Variants in TCTN1 observed in about 807,000 individuals in gnomAD.
The protein encoded by TCTN1 is tectonic family member 1, also known as tectonic-1.
In TCTN1, 58 loss-of-function variants were observed where a neutral mutation model predicts 65.8. The observed-to-expected ratio is 0.88, with a 90% CI of 0.71 to 1.10. The LOEUF (loss-of-function observed/expected upper bound fraction) is 1.10, where lower values mean the gene tolerates loss of function less well. TCTN1 is among the 50% of genes least tolerant of loss of function. TCTN1 has a pLI of 0.00. For missense variants in TCTN1, 645 were observed against 719.4 expected, an observed-to-expected ratio of 0.90 and a Z score of 1.18; for synonymous variants, 273 against 289.1, an observed-to-expected ratio of 0.94 and a Z score of 0.57.
Position 110,640,222 on chromosome 12 carries a change from A to T in TCTN1, c.844-161A>T. The T allele has an allele frequency of 1.2e-6, 1 of 812,198 alleles. No individual in the cohort carries two copies. The highest frequency in any genetic ancestry group is 1.5e-5 in the South Asian group (1 of 66,250). 50.3% of individuals were successfully genotyped at this position (812,198 alleles called of 1,614,324 possible). ...TTTCTTTGTGAATGTATATATGTTT[A>T]TTACTTTTGCAAATGTGGATCATAG... On this transcript the variant is annotated intron_variant, in intron 7 of 14. Transcript: ENST00000397659. The surrounding 1 kb of genome is among the most constrained non-coding windows in gnomAD (Gnocchi z 4.9).
intron 14 of TCTN1, chr12:110,648,676 T>G: frequency 4.9e-6 from 1 of 205,912 alleles, no homozygotes; most frequent in Non-Finnish European, 9.7e-6. Context: ...TATAGTGGAG[T>G]CTTGGGTCTA....
intron 5 of TCTN1, 34 bp from the exon 6 acceptor site, chr12:110,634,636 T>C: frequency 6.9e-7 from 1 of 1,451,442 alleles, no homozygotes. Context: ...CTCTTTTGTA[T>C]TTTTTTTTCC....
intron 14 of TCTN1, chr12:110,648,813 GTTGTT>G (rs2067608748): frequency 3.1e-6 from 1 of 327,806 alleles, no homozygotes; most frequent in African/African-American, 2.3e-5. Flanking sequence ...TTATACAGTA[GTTGTT>G]TTATTTTATA....
chr12:110,617,165 G>A (rs939772582), intron 1 of TCTN1, among the ~76,000 whole-genome samples: 1 of 152,144 alleles, frequency 6.6e-6, no homozygotes, highest in Admixed American at 6.6e-5. Flanking sequence ...ACATTAGCGT[G>A]CATAAGTTGT....
At chr12:110,620,076 G>T in intron 2 of TCTN1, 120 bp downstream of exon 2, 1 of 1,461,290 alleles carries the variant, frequency 6.8e-7, no homozygotes, top group Non-Finnish European at 9.5e-7. Flanking sequence ...GTTTTACGTC[G>T]TTCTGAAGCC....
chr12:110,647,433 T>C, intron 13 of TCTN1, 97 bp downstream of exon 13: 1 of 1,502,846 alleles, frequency 6.7e-7, no homozygotes, highest in Non-Finnish European at 9.2e-7. Context: ...AAAAAGATTA[T>C]AATTTAAACC....
At chr12:110,635,337 GGAA>G (rs1465317030) in intron 6 of TCTN1, among the ~76,000 whole-genome samples, 1 of 152,124 alleles carries the variant, frequency 6.6e-6, no homozygotes, top group Non-Finnish European at 1.5e-5. Context: ...GGGTGGCAAG[GGAA>G]GAAGACCTTT....
intron 11 of TCTN1, among the ~76,000 whole-genome samples, chr12:110,642,665 A>C (rs1474731457): frequency 6.6e-6 from 1 of 152,038 alleles, no homozygotes; most frequent in Admixed American, 6.6e-5. Flanking sequence ...CAGTGGTGCC[A>C]TTATAGCTCA....
chr12:110,647,893 CGTAA>C lies in TCTN1; in HGVS notation c.*1+3_*1+6del, dbSNP rs767515982. The C allele has an allele frequency of 2.9e-5, 46 of 1,613,202 alleles. No homozygotes were observed. Among genetic ancestry groups the C allele is most frequent in the Non-Finnish European group, 3.5e-5 (41 of 1,180,054 alleles). ...TAACTTCTTCTTCCCGTTTGTTTGA[CGTAA>C]GTGAGGAAACTACGCCCCTCCTCTG... is the stretch of plus-strand genomic sequence containing the variant. On this transcript the variant is annotated splice_donor_variant and splice_donor_region_variant and intron_variant, in intron 14 of 14. Transcript: ENST00000397659. LOFTEE classifies it low-confidence loss of function (3UTR_SPLICE).
In TCTN1 at chr12:110,614,660, T is replaced by A. The variant is rs684596; in HGVS notation, c.220+258T>A. On this transcript the variant is annotated intron_variant, in intron 1 of 14. Transcript: ENST00000397659. ...AAACCTTTGAAAATACTTGAAGTGG[T>A]CCCAGACAACAGTGATGCAAAGAGC... 0.28 allele frequency among the ~76,000 whole-genome samples: 42,583 copies of A among 152,088 alleles called. 6,712 individuals are homozygous for A. The highest frequency in any genetic ancestry group is 0.54 in the South Asian group (2,607 of 4,826).
Position 110,645,057 on chromosome 12 carries a change from T to C in TCTN1, c.1422T>C (p.Phe474=). The C allele has an allele frequency of 6.2e-7, 1 of 1,614,204 alleles. No individual in the cohort carries two copies. The highest frequency in any genetic ancestry group is 8.5e-7 in the Non-Finnish European group (1 of 1,180,022). Residue 474 remains phenylalanine (F), a synonymous_variant, in exon 12 of 15, where the codon TTT becomes TTC. Transcript: ENST00000397659. ...GQGFPDYVAP[F]GNSQAQDMLD... ...GCTTCCCAGATTACGTGGCCCCTTT[T>C]GGAAATTCCCAGGCCCAGGACATGC... is the stretch of plus-strand genomic sequence containing the variant.
In TCTN1 at chr12:110,619,907, A is replaced by G. The variant is rs777999729; in HGVS notation, c.292A>G (p.Ser98Gly). The G allele has an allele frequency of 1.9e-6, 3 of 1,614,118 alleles. No individual in the cohort carries two copies. The South Asian group carries it at 3.3e-5, about 18-fold the overall frequency. ...DINCCCDPDCSSVDFSVFSAC... is the reference protein window; with the variant it reads ...DINCCCDPDCGSVDFSVFSAC... ...CAACTGCTGCTGTGATCCCGACTGC[A>G]GCTCCGTGGATTTCAGTGTCTTTTC... is the stretch of plus-strand genomic sequence containing the variant. Residue 98 changes from serine (S) to glycine (G), a missense_variant, in exon 2 of 15, where the codon AGC (serine) becomes GGC (glycine). Coordinates refer to ENST00000397659, the MANE Select transcript of TCTN1 (RefSeq NM_001082538.3).
At chr12:110,637,307 C>T (rs1008610702) in intron 7 of TCTN1, among the ~76,000 whole-genome samples, 10 of 152,320 alleles carry the variant, frequency 6.6e-5, no homozygotes, top group South Asian at 2.1e-4. Context: ...GCGGCATCTG[C>T]GCATGGGATG....
chr12:110,649,393 G>A lies in TCTN1; in HGVS notation c.*352G>A, dbSNP rs1465121363. 1 of 1,599,730 alleles carries A rather than the reference G, an allele frequency of 6.3e-7. No homozygotes were observed. Among genetic ancestry groups the A allele is most frequent in the Middle Eastern group, 1.7e-4 (1 of 6,026 alleles). ...CCATGAGACAGTGTCTTCTTTTTGAGGGGAGCTGGTCCGGGTCTAGTTCAC... is the reference window on the plus strand; with the variant it reads ...CCATGAGACAGTGTCTTCTTTTTGAAGGGAGCTGGTCCGGGTCTAGTTCAC... On this transcript the variant is annotated 3_prime_UTR_variant, in exon 15 of 15. Transcript: ENST00000397659.
At chr12:110,646,992 C>T (rs1469031487) in intron 12 of TCTN1, 10 of 606,160 alleles carry the variant, frequency 1.6e-5, no homozygotes, top group East Asian at 3.0e-5. Context: ...GGAAAAATTA[C>T]GCTTCAGCTG....
At chr12:110,636,680 A>G (rs2066593744) in intron 7 of TCTN1, among the ~76,000 whole-genome samples, 179 bp downstream of exon 7, 1 of 152,152 alleles carries the variant, frequency 6.6e-6, no homozygotes, top group Admixed American at 6.5e-5. Flanking sequence ...TGGGAGTCAC[A>G]CTTCTGGGCT....
chr12:110,647,982 T>C, intron 14 of TCTN1, 89 bp downstream of exon 14: 1 of 1,580,512 alleles, frequency 6.3e-7, no homozygotes, highest in East Asian at 2.2e-5. Context: ...GATACTGCAT[T>C]TTATACTTTT....
chr12:110,617,501 A>T (rs2135873540), intron 1 of TCTN1, among the ~76,000 whole-genome samples: 1 of 150,934 alleles, frequency 6.6e-6, no homozygotes, highest in Non-Finnish European at 1.5e-5. Context: ...TTTTTTTGGT[A>T]TTTTTAGTAG....
At chr12:110,630,195 C>T (rs777190618) in intron 4 of TCTN1, 1 of 152,184 alleles carries the variant, frequency 6.6e-6, no homozygotes, top group Non-Finnish European at 1.5e-5. Context: ...GCATGTTCTG[C>T]ACCCGTTATC....
Sources: gnomAD v4.1 joint callset for allele counts (sites outside exome capture counted in the v4.1 genomes callset) on GRCh38, gnomAD v4.1.1 for gene constraint, Gnocchi (gnomAD v3.1) non-coding constraint, MANE v1.5 for transcripts, NCBI Gene and HGNC (gene_info 2026-07-23, HGNC 2026-07-21) for gene names.